Variants in TMX2 observed in about 807,000 individuals in gnomAD.
TMX2 encodes the protein thioredoxin-related transmembrane protein 2.
A neutral mutation model predicts 33.4 loss-of-function variants in TMX2; 20 were observed. The ratio of observed to expected loss-of-function variants is 0.60; its 90% confidence interval spans 0.42 to 0.87. The LOEUF is 0.87. TMX2 is among the 40% of genes least tolerant of loss of function. The pLI is 0.00. For synonymous variants in TMX2, 166 were observed against 140.7 expected (o/e 1.18, Z -1.27); for missense variants, 340 against 370.7 (o/e 0.92, Z 0.68).
At chr11:57,738,094 A>G (rs1590976259) in intron 3 of TMX2, 68 bp downstream of exon 3, 2 of 1,290,198 alleles carry the variant, frequency 1.6e-6, no homozygotes, top group African/African-American at 1.5e-5. Context: ...GATTGTGGAA[A>G]CCACAGTCCC....
At chr11:57,721,714 C>A (rs1321530604) in intron 1 of TMX2, among the ~76,000 whole-genome samples, 1 of 152,106 alleles carries the variant, frequency 6.6e-6, no homozygotes, top group East Asian at 1.9e-4. Context: ...TTCAGAATAC[C>A]AGATGATATA....
At position 57,726,921 on chromosome 11, in the gene TMX2, C is replaced by T. The variant is rs1361460316; in HGVS notation, c.190-10687C>T. Among the ~76,000 whole-genome samples the T allele has an allele frequency of 2.6e-5, 4 of 152,276 alleles. No homozygotes were observed. In the East Asian group the frequency reaches 7.7e-4, roughly 29 times the overall value. ...TAACCCTTATTAAGGAGTACAAACA[C>T]ACTGTAAGTCTATTCAAAGAATAGA... On this transcript the variant is annotated intron_variant, in intron 1 of 7. Transcript: ENST00000278422.
At chr11:57,717,083 G>A (rs1444606417) in intron 1 of TMX2, among the ~76,000 whole-genome samples, 2 of 147,720 alleles carry the variant, frequency 1.4e-5, no homozygotes, top group East Asian at 2.0e-4. Context: ...GGGCAGAGGC[G>A]CTCCCCACAT....
chr11:57,712,627 C>G lies in TMX2; in HGVS notation c.9C>G (p.Val3=), dbSNP rs771403516. 3 of 1,612,822 alleles carry G rather than the reference C, an allele frequency of 1.9e-6. No homozygotes were observed. The highest frequency in any genetic ancestry group is 2.7e-5 in the African/African-American group (2 of 74,912). ...CCGTTACGGCCGAAAAGATGGCGGT[C>G]TTGGCACCTCTAATTGCTCTCGTGT... is the stretch of plus-strand genomic sequence containing the variant. MA[V]LAPLIALVYS... Residue 3 remains valine (V), a synonymous_variant, in exon 1 of 8, where the codon GTC becomes GTG. Coordinates refer to ENST00000278422, the MANE Select transcript of TMX2 (RefSeq NM_015959.4).
intron 1 of TMX2, among the ~76,000 whole-genome samples, chr11:57,730,557 C>T (rs538741174): frequency 6.8e-6 from 1 of 146,608 alleles, no homozygotes; most frequent in African/African-American, 2.5e-5. Flanking sequence ...GCCAACATGG[C>T]AAAACTCCGT....
intron 1 of TMX2, chr11:57,718,003 A>C: frequency 2.5e-6 from 2 of 804,370 alleles, no homozygotes; most frequent in African/African-American, 1.7e-5. Flanking sequence ...GCACAGAAGG[A>C]ATGGTCTGGT....
At chr11:57,733,045 T>A (rs1470074731) in intron 1 of TMX2, among the ~76,000 whole-genome samples, 1 of 152,152 alleles carries the variant, frequency 6.6e-6, no homozygotes, top group Non-Finnish European at 1.5e-5. Flanking sequence ...TATTTATGTA[T>A]CTAAATATAT....
chr11:57,725,718 CAG>C (rs2135538128), intron 1 of TMX2, among the ~76,000 whole-genome samples: 1 of 151,744 alleles, frequency 6.6e-6, no homozygotes, highest in African/African-American at 2.4e-5. Context: ...GCCTGGGCGA[CAG>C]AGTGAGACTC....
chr11:57,725,042 A>T (rs1432610423), intron 1 of TMX2, among the ~76,000 whole-genome samples: 1 of 150,796 alleles, frequency 6.6e-6, no homozygotes, highest in Non-Finnish European at 1.5e-5. Context: ...GTGTCTCAAA[A>T]AAAAAAAAAA....
chr11:57,740,055 TC>T, intron 7 of TMX2, 43 bp from the exon 8 acceptor site: 1 of 1,612,984 alleles, frequency 6.2e-7, no homozygotes, highest in South Asian at 1.1e-5. Context: ...CTCTTTACTC[TC>T]CCTTCCAACC....
chr11:57,714,026 G>A (rs1472482654), intron 1 of TMX2, among the ~76,000 whole-genome samples: 1 of 152,224 alleles, frequency 6.6e-6, no homozygotes, highest in Non-Finnish European at 1.5e-5. Flanking sequence ...TCAGAGTAAA[G>A]CTGCTTCCAG....
In TMX2 at chr11:57,725,052, AAAAG is replaced by A. The variant is rs1290963747; in HGVS notation, c.189+12253_189+12256del. On this transcript the variant is annotated intron_variant, in intron 1 of 7. Coordinates refer to ENST00000278422, the MANE Select transcript of TMX2 (RefSeq NM_015959.4). ...AGACTGTGTCTCAAAAAAAAAAAAA[AAAAG>A]AAAGAAAAGAAAAGAAAATGGGTTC... Among the ~76,000 whole-genome samples, 463 of 150,880 alleles carry A rather than the reference AAAAG, an allele frequency of 3.1e-3. 1 individual carries two copies. Among genetic ancestry groups the A allele is most frequent in the Non-Finnish European group, 3.6e-3 (244 of 67,902 alleles).
chr11:57,717,459 G>A (rs1046781249), intron 1 of TMX2, among the ~76,000 whole-genome samples: 1 of 151,936 alleles, frequency 6.6e-6, no homozygotes, highest in Non-Finnish European at 1.5e-5. Context: ...CCGGCACCTC[G>A]GGAGGCCAAG....
intron 1 of TMX2, among the ~76,000 whole-genome samples, chr11:57,734,447 CTT>C (rs1464650483): frequency 6.6e-6 from 1 of 152,122 alleles, no homozygotes; most frequent in East Asian, 1.9e-4. Flanking sequence ...CTACAACTCT[CTT>C]TTAAAATTCA....
chr11:57,739,292 G>A, intron 7 of TMX2, 32 bp downstream of exon 7: 1 of 1,612,994 alleles, frequency 6.2e-7, no homozygotes, highest in Non-Finnish European at 8.5e-7. Context: ...TGCATGAAGG[G>A]TGCAGAACAG....
At chr11:57,737,514 C>T (rs1046733932) in intron 1 of TMX2, 94 bp from the exon 2 acceptor site, 56 of 978,482 alleles carry the variant, frequency 5.7e-5, no homozygotes, top group Non-Finnish European at 8.4e-5. Flanking sequence ...CAGTTTGGAT[C>T]GCTATTGGTT....
intron 1 of TMX2, among the ~76,000 whole-genome samples, chr11:57,727,580 CCTAT>C (rs1948089380): frequency 1.3e-5 from 2 of 152,206 alleles, no homozygotes; most frequent in Non-Finnish European, 2.9e-5. Context: ...GACTTACTTT[CCTAT>C]CTGACTCTGG....
intron 1 of TMX2, among the ~76,000 whole-genome samples, chr11:57,729,531 T>C (rs1216564256): frequency 6.6e-6 from 1 of 152,202 alleles, no homozygotes; most frequent in Admixed American, 6.5e-5. Flanking sequence ...TTGAAACCCT[T>C]TTAATTTCCC....
At chr11:57,720,250 T>C (rs1947526675) in intron 1 of TMX2, among the ~76,000 whole-genome samples, 1 of 152,210 alleles carries the variant, frequency 6.6e-6, no homozygotes, top group Non-Finnish European at 1.5e-5. Flanking sequence ...TCTTCTCTCT[T>C]TTGAATTAAA....
Sources: gnomAD v4.1 joint callset for allele counts (sites outside exome capture counted in the v4.1 genomes callset) on GRCh38, gnomAD v4.1.1 for gene constraint, MANE v1.5 for transcripts, NCBI Gene and HGNC (gene_info 2026-07-23, HGNC 2026-07-21) for gene names.